Variants in TRMT44 observed in about 807,000 individuals in gnomAD.
TRMT44 encodes tRNA methyltransferase 44 homolog, also known as probable tRNA (uracil-O(2)-)-methyltransferase.
TRMT44 carries 78 observed loss-of-function variants against 77.3 expected under a neutral mutation model. The observed-to-expected ratio is 1.01, with a 90% confidence interval of 0.84 to 1.22. The LOEUF is 1.22. TRMT44 is among the 50% of genes most tolerant of loss of function. The probability of loss-of-function intolerance (pLI) is 0.00; values close to 1 mark genes in which losing one functional copy is unlikely to be tolerated. For synonymous variants in TRMT44, 391 were observed against 383.3 expected (o/e 1.02, Z -0.23); for missense variants, 1,090 against 964.4 (o/e 1.13, Z -1.73).
chr4:8,493,767 C>T (rs1404983403), downstream of TRMT44, among the ~76,000 whole-genome samples: 1 of 151,998 alleles, frequency 6.6e-6, no homozygotes, highest in Non-Finnish European at 1.5e-5. Context: ...CAGAGGCTGG[C>T]TCTTTCAGCA....
intron 2 of TRMT44, among the ~76,000 whole-genome samples, chr4:8,484,521 C>T (rs983038053): frequency 6.6e-6 from 1 of 152,142 alleles, no homozygotes; most frequent in African/African-American, 2.4e-5. Context: ...AAGCCTAAAA[C>T]AGTAAGGTCA....
In TRMT44 at chr4:8,465,433, G is replaced by A; in HGVS notation, c.1366G>A (p.Gly456Arg). The part of the protein sequence containing the change: ...VLPCCFFDFI[G>R]RYSRRQSKKT... ...CCCCTGCTGCTTCTTTGACTTCATT[G>A]GAAGATACTCCCGGAGGCAGAGTAA... is the stretch of plus-strand genomic sequence containing the variant. The change falls in exon 8 of 11, where the codon GGA becomes AGA. Residue 456 changes from glycine (G) to arginine (R), a missense_variant. Transcript: ENST00000389737. 6.2e-7 allele frequency: 1 copy of A among 1,614,002 alleles called. No individual in the cohort carries two copies. Among genetic ancestry groups the A allele is most frequent in the Non-Finnish European group, 8.5e-7 (1 of 1,179,992 alleles).
intron 9 of TRMT44, among the ~76,000 whole-genome samples, chr4:8,469,537 G>C (rs1204618081): frequency 6.6e-6 from 1 of 152,228 alleles, no homozygotes; most frequent in Non-Finnish European, 1.5e-5. Context: ...GAGATGACGG[G>C]CACACAGATG....
chr4:8,455,350 A>G (rs568900444), intron 6 of TRMT44, among the ~76,000 whole-genome samples: 16 of 152,202 alleles, frequency 1.1e-4, no homozygotes, highest in African/African-American at 2.9e-4. Flanking sequence ...TTCTTGGAGC[A>G]CCCCCATGAG....
the TRMT44 span, among the ~76,000 whole-genome samples, chr4:8,513,413 G>T: frequency 6.6e-6 from 1 of 152,298 alleles, no homozygotes; most frequent in African/African-American, 2.4e-5. Context: ...CTCCCACTGG[G>T]ATCCTCCCAC....
In TRMT44 at chr4:8,440,936, T is replaced by C. The variant is rs137937521; in HGVS notation, c.114T>C (p.Leu38=). 7.2e-4 allele frequency: 1,098 copies of C among 1,530,140 alleles called. 4 individuals are homozygous for C. In the African/African-American group the frequency reaches 0.013, roughly 19 times the overall value. The allele number at this position is 1,530,140 out of a possible 1,614,324, so 94.8% of individuals were successfully genotyped here. The change falls in exon 1 of 11, where the codon CTT becomes CTC. Residue 38 remains leucine (L), a synonymous_variant. Transcript: ENST00000389737. ...GGCCGCAGGTGGCAAACAAACGGCT[T>C]TGCGGCGCCCGCCTGGAGGCCCGCT... ...LERPQVANKR[L]CGARLEARWS...
chr4:8,506,227 C>A, the TRMT44 span, among the ~76,000 whole-genome samples: 1 of 152,224 alleles, frequency 6.6e-6, no homozygotes, highest in African/African-American at 2.4e-5. Context: ...CTCCTTGAGA[C>A]CAGGGCACGT....
chr4:8,490,813 A>T (rs1159945499), intron 2 of TRMT44, among the ~76,000 whole-genome samples: 1 of 152,182 alleles, frequency 6.6e-6, no homozygotes. Flanking sequence ...CCCCACCCAC[A>T]TCCTGCTGAT....
At chr4:8,474,758 A>G (rs563703354) in intron 10 of TRMT44, among the ~76,000 whole-genome samples, 1 of 152,230 alleles carries the variant, frequency 6.6e-6, no homozygotes, top group South Asian at 2.1e-4. Flanking sequence ...TGCTTTGGCC[A>G]TGTTTCACGG....
downstream of TRMT44, among the ~76,000 whole-genome samples, chr4:8,498,103 T>C (rs1472022811): frequency 6.6e-6 from 1 of 152,222 alleles, no homozygotes; most frequent in Non-Finnish European, 1.5e-5. The surrounding 1 kb of genome is among the most constrained non-coding windows in gnomAD (Gnocchi z 4.3). Context: ...ATGCAGGTTT[T>C]AGAGATCCTC....
chr4:8,514,435 A>G, the TRMT44 span, among the ~76,000 whole-genome samples: 1 of 151,604 alleles, frequency 6.6e-6, no homozygotes, highest in African/African-American at 2.4e-5. Flanking sequence ...CACCATGCCC[A>G]GCTCATTTTT....
downstream of TRMT44, among the ~76,000 whole-genome samples, chr4:8,495,424 T>C (rs1359440339): frequency 1.3e-5 from 2 of 152,206 alleles, no homozygotes; most frequent in African/African-American, 4.8e-5. Flanking sequence ...ACTCGGGTTT[T>C]AGTCTGGGGG....
chr4:8,474,180 C>T (rs1579086000), intron 10 of TRMT44, among the ~76,000 whole-genome samples: 2 of 152,328 alleles, frequency 1.3e-5, no homozygotes, highest in South Asian at 4.1e-4. Context: ...GGCATCAGGC[C>T]AGAGGCCCCT....
rs574716392 is a variant in TRMT44 at position 8,469,689 on chromosome 4, T to C, written c.1927+1343T>C. ...TTGGGAATCAGGGCACCTAACAGGC[T>C]CTGGACCCCCGTCCCCTCCAGATGG... On this transcript the variant is annotated intron_variant, in intron 9 of 10. Transcript: ENST00000389737. 2.6e-5 allele frequency among the ~76,000 whole-genome samples: 4 copies of C among 152,178 alleles called. No homozygotes were observed. In the East Asian group the frequency reaches 7.8e-4, roughly 30 times the overall value.
intron 2 of TRMT44, among the ~76,000 whole-genome samples, chr4:8,490,987 G>A (rs187809865): frequency 1.1e-3 from 161 of 152,024 alleles, no homozygotes; most frequent in African/African-American, 3.4e-3. Context: ...AGAGAGTGTC[G>A]ACTGGTGCAT....
At chr4:8,496,433 GC>G (rs1174129782), downstream of TRMT44, among the ~76,000 whole-genome samples, 1 of 152,166 alleles carries the variant, frequency 6.6e-6, no homozygotes, top group Non-Finnish European at 1.5e-5. Context: ...ACACCTGCTG[GC>G]CAGGCTGCAG....
chr4:8,465,638 A>G lies in TRMT44; in HGVS notation c.1494+77A>G, dbSNP rs148916984. 298 of 1,284,434 alleles carry G rather than the reference A, an allele frequency of 2.3e-4. 1 individual carries two copies. The African/African-American group carries it at 3.6e-3, about 16-fold the overall frequency. 79.6% of individuals were successfully genotyped at this position (1,284,434 alleles called of 1,614,324 possible). A position where few individuals can be genotyped will look rare whatever the true frequency, so the allele number is the denominator to read the frequency against. On this transcript the variant is annotated intron_variant, in intron 8 of 10. Transcript: ENST00000389737. ...GAGCTCAGGGCTCTGCCACAGAGCCATGAACCATGCTGTAACGTTCAAAAT... is the reference window on the plus strand; with the variant it reads ...GAGCTCAGGGCTCTGCCACAGAGCCGTGAACCATGCTGTAACGTTCAAAAT...
At chr4:8,501,167 T>C in the TRMT44 span, among the ~76,000 whole-genome samples, 7 of 152,274 alleles carry the variant, frequency 4.6e-5, no homozygotes, top group Admixed American at 3.9e-4. This position sits in a 1 kb window ranked among gnomAD's most constrained non-coding sequence, Gnocchi z 4.4. Context: ...GGCAATTCCA[T>C]GTGCTGGGGA....
chr4:8,480,145 A>G (rs1412474215), downstream of TRMT44, among the ~76,000 whole-genome samples: 3 of 152,066 alleles, frequency 2.0e-5, no homozygotes, highest in Admixed American at 6.5e-5. Flanking sequence ...AGCAGCCTCA[A>G]CTCTTGCCTC....
Sources: gnomAD v4.1 joint callset for allele counts (sites outside exome capture counted in the v4.1 genomes callset) on GRCh38, gnomAD v4.1.1 for gene constraint, Gnocchi (gnomAD v3.1) non-coding constraint, MANE v1.5 for transcripts, NCBI Gene and HGNC (gene_info 2026-07-23, HGNC 2026-07-21) for gene names.